The following ADAM7 variants were observed in gnomAD, a reference collection of about 807,000 sequenced individuals.
ADAM7 encodes the protein disintegrin and metalloproteinase domain-containing protein 7.
Under a neutral mutation model 102.9 loss-of-function variants are expected in ADAM7, and 97 were observed. The ratio of observed to expected loss-of-function variants is 0.94; its 90% CI spans 0.80 to 1.12. The LOEUF is 1.12. ADAM7 is among the 50% of genes most tolerant of loss of function. The pLI is 0.00. For synonymous variants in ADAM7, 334 were observed against 304.4 expected (o/e 1.10, Z -1.01); for missense variants, 991 against 908.7 (o/e 1.09, Z -1.16).
intron 2 of ADAM7, among the ~76,000 whole-genome samples, chr8:24,444,830 A>C (rs546227160): frequency 6.6e-6 from 1 of 152,270 alleles, no homozygotes; most frequent in Admixed American, 6.5e-5. Context: ...GAAGACCTGA[A>C]TAACTATAAT....
chr8:24,497,336 CCTTT>C (rs1052683256), intron 16 of ADAM7, among the ~76,000 whole-genome samples: 3 of 152,064 alleles, frequency 2.0e-5, no homozygotes, highest in African/African-American at 7.2e-5. Flanking sequence ...AAGATTTCCT[CCTTT>C]ATCAAGAAAA....
chr8:24,445,012 G>A (rs1485439994), intron 2 of ADAM7, among the ~76,000 whole-genome samples: 1 of 151,906 alleles, frequency 6.6e-6, no homozygotes, highest in South Asian at 2.1e-4. Context: ...AAACCAAATT[G>A]TTATTAAAAA....
chr8:24,464,259 ATAAG>A lies in ADAM7; in HGVS notation c.312+300_312+303del, dbSNP rs1225613484. Among the ~76,000 whole-genome samples, 3 of 152,324 alleles carry A rather than the reference ATAAG, an allele frequency of 2.0e-5. No individual in the cohort carries two copies. In the East Asian group the frequency reaches 5.8e-4, roughly 29 times the overall value. On this transcript the variant is annotated intron_variant, in intron 4 of 21. Transcript: ENST00000175238. ...GAGGGTAAAGCAGGACACCAAAAAT[ATAAG>A]GCACCTTATGAGGCTGTGATCAAGC...
rs775791879 is a variant in ADAM7 at position 24,500,878 on chromosome 8, G to A, written c.2091G>A (p.Lys697=). 1 of 1,611,770 alleles carries A rather than the reference G, an allele frequency of 6.2e-7. No individual in the cohort carries two copies. Among genetic ancestry groups the A allele is most frequent in the South Asian group, 1.1e-5 (1 of 90,956 alleles). The change falls in exon 19 of 22, where the codon AAG becomes AAA. Residue 697 remains lysine (K), a synonymous_variant. Coordinates refer to ENST00000175238, the MANE Select transcript of ADAM7 (RefSeq NM_003817.4). Reference sequence around the variant, plus strand: ...TAGTTCGTTACCGAAAATGTATCAAGTTGAAGCAAGTTCAGAGGTACATTT... The same window carrying A: ...TAGTTCGTTACCGAAAATGTATCAAATTGAAGCAAGTTCAGAGGTACATTT... ...ILLVRYRKCI[K]LKQVQSPPTE...
chr8:24,477,631 C>T (rs1819812583), intron 8 of ADAM7, among the ~76,000 whole-genome samples: 1 of 149,458 alleles, frequency 6.7e-6, no homozygotes, highest in Admixed American at 6.7e-5. Flanking sequence ...CTTCTGGGAT[C>T]TGTGATTTGC....
At chr8:24,469,249 C>A (rs1257813045) in intron 7 of ADAM7, among the ~76,000 whole-genome samples, 2 of 152,050 alleles carry the variant, frequency 1.3e-5, no homozygotes, top group Non-Finnish European at 2.9e-5. Context: ...CCCTGAGAAG[C>A]ACAATACTGA....
At chr8:24,494,682 A>G (rs1168963960) in intron 16 of ADAM7, among the ~76,000 whole-genome samples, 2 of 151,852 alleles carry the variant, frequency 1.3e-5, no homozygotes. Context: ...AGTTAATGCC[A>G]GTCTATGTAG....
At chr8:24,501,402 C>A (rs1022647070) in intron 19 of ADAM7, 75 bp from the exon 20 acceptor site, 2 of 1,066,304 alleles carry the variant, frequency 1.9e-6, no homozygotes, top group Non-Finnish European at 2.8e-6. Context: ...ATTACTAAAG[C>A]TTACTCATGA....
chr8:24,490,231 G>T (rs1185181053), intron 12 of ADAM7: 1 of 152,356 alleles, frequency 6.6e-6, no homozygotes. Flanking sequence ...TCTTAATTTT[G>T]GAAAATGATC....
chr8:24,462,022 T>C (rs979585740), intron 3 of ADAM7, among the ~76,000 whole-genome samples: 1 of 152,230 alleles, frequency 6.6e-6, no homozygotes, highest in African/African-American at 2.4e-5. Flanking sequence ...CAATGTTTCA[T>C]GTTTCTTCAT....
chr8:24,468,146 C>T (rs557371183), intron 6 of ADAM7, among the ~76,000 whole-genome samples: 1 of 152,060 alleles, frequency 6.6e-6, no homozygotes, highest in Non-Finnish European at 1.5e-5. Context: ...GGAATTGAGA[C>T]TACTGAAAAT....
chr8:24,476,674 T>C (rs996737965), intron 8 of ADAM7, among the ~76,000 whole-genome samples, 170 bp downstream of exon 8: 1 of 152,186 alleles, frequency 6.6e-6, no homozygotes, highest in African/African-American at 2.4e-5. Flanking sequence ...ACCACAGCTC[T>C]GAATTTTCAA....
chr8:24,500,285 A>C, intron 18 of ADAM7, 29 bp downstream of exon 18: 1 of 1,587,986 alleles, frequency 6.3e-7, no homozygotes, highest in Non-Finnish European at 8.6e-7. Flanking sequence ...AATCTTTCAT[A>C]TATCAAAAGC....
At position 24,474,530 on chromosome 8, in the gene ADAM7, A is replaced by T. The variant is rs142009047; in HGVS notation, c.634-1903A>T. Among the ~76,000 whole-genome samples, 466 of 152,220 alleles carry T rather than the reference A, an allele frequency of 3.1e-3. 12 individuals are homozygous for T. Among genetic ancestry groups the T allele is most frequent in the Admixed American group, 0.029 (441 of 15,272 alleles). On this transcript the variant is annotated intron_variant, in intron 7 of 21. Coordinates refer to ENST00000175238, the MANE Select transcript of ADAM7 (RefSeq NM_003817.4). ...GGTAAATCATCCATTTTCATTAGAC[A>T]AATAGTTAATGAGCATTCAATATGC...
rs1282556504 is a variant in ADAM7, at chr8:24,492,609, G to A, written c.1655+12G>A. 1.9e-6 allele frequency: 3 copies of A among 1,600,682 alleles called. No individual in the cohort carries two copies. The highest frequency in any genetic ancestry group is 2.6e-6 in the Non-Finnish European group (3 of 1,170,942). On this transcript the variant is annotated intron_variant, in intron 15 of 21. Transcript: ENST00000175238. ...CCCTGTGAGGAGAAGTAAGTGCCCT[G>A]TGGAAAAAAAGTAATTTGCCTTCTT... is the stretch of plus-strand genomic sequence containing the variant.
At chr8:24,465,900 T>A (rs993066851) in intron 5 of ADAM7, 125 bp downstream of exon 5, 3 of 620,064 alleles carry the variant, frequency 4.8e-6, no homozygotes, top group African/African-American at 1.9e-5. Context: ...AAAGCTGCTG[T>A]GCATTTTTAG....
intron 3 of ADAM7, among the ~76,000 whole-genome samples, chr8:24,452,718 G>A (rs1818847674): frequency 6.6e-6 from 1 of 151,400 alleles, no homozygotes; most frequent in Non-Finnish European, 1.5e-5. Context: ...TATTTTGCTG[G>A]TTAGTTGATG....
chr8:24,456,020 T>C (rs1308858686), intron 3 of ADAM7, among the ~76,000 whole-genome samples: 2 of 152,208 alleles, frequency 1.3e-5, no homozygotes, highest in African/African-American at 2.4e-5. Context: ...ACTCTCACTA[T>C]TATTAAGTAA....
intron 3 of ADAM7, among the ~76,000 whole-genome samples, chr8:24,459,859 GTGTT>G (rs1288929647): frequency 6.6e-6 from 1 of 151,866 alleles, no homozygotes; most frequent in Admixed American, 6.6e-5. Context: ...TTCTTATTGA[GTGTT>G]TATTTTTCTC....
Sources: gnomAD v4.1 joint callset for allele counts (sites outside exome capture counted in the v4.1 genomes callset) on GRCh38, gnomAD v4.1.1 for gene constraint, MANE v1.5 for transcripts, NCBI Gene and HGNC (gene_info 2026-07-23, HGNC 2026-07-21) for gene names.